NCAPG2: variants seen among roughly 807,000 people sequenced by gnomAD.
NCAPG2 encodes non-SMC condensin II complex subunit G2.
Under a neutral mutation model 141.1 loss-of-function variants are expected in NCAPG2, and 53 were observed. The ratio of observed to expected loss-of-function variants is 0.38; its 90% CI spans 0.30 to 0.47. The LOEUF is 0.47. NCAPG2 is among the 20% of genes least tolerant of loss of function. NCAPG2 has a pLI of 0.99. For missense variants in NCAPG2, 1,087 were observed against 1,389.0 expected (o/e 0.78, Z 3.46); for synonymous variants, 499 against 490.7 (o/e 1.02, Z -0.22).
At chr7:158,662,102 C>A in intron 16 of NCAPG2, 92 bp downstream of exon 16, 2 of 1,214,244 alleles carry the variant, frequency 1.6e-6, no homozygotes, top group South Asian at 1.7e-5. Flanking sequence ...GAACACAGAT[C>A]CAGGGAGGTA....
intron 3 of NCAPG2, 32 bp downstream of exon 3, chr7:158,693,277 A>C: frequency 6.3e-7 from 1 of 1,578,040 alleles, no homozygotes; most frequent in Non-Finnish European, 8.6e-7. Context: ...AAAAGAGAAA[A>C]ACGTTTCTTA....
At chr7:158,674,217 G>A (rs1200564835) in intron 12 of NCAPG2, among the ~76,000 whole-genome samples, 3 of 151,856 alleles carry the variant, frequency 2.0e-5, no homozygotes, top group Non-Finnish European at 4.4e-5. Flanking sequence ...ATGGAGATGC[G>A]AACATGCTTA....
At chr7:158,696,012 A>G (rs919118415) in intron 2 of NCAPG2, 2 of 152,270 alleles carry the variant, frequency 1.3e-5, no homozygotes, top group African/African-American at 2.4e-5. Flanking sequence ...AGAGGGAGGT[A>G]TCCTCTTGTG....
intron 12 of NCAPG2, 46 bp downstream of exon 12, chr7:158,675,431 A>G: frequency 1.4e-6 from 2 of 1,451,464 alleles, no homozygotes; most frequent in Non-Finnish European, 9.2e-7. Flanking sequence ...TTTTCTAATT[A>G]TTCTACAACA....
chr7:158,637,175 C>T (rs1227014703), intron 27 of NCAPG2, among the ~76,000 whole-genome samples: 2 of 152,158 alleles, frequency 1.3e-5, no homozygotes, highest in African/African-American at 2.4e-5. Context: ...TCTCGATCTC[C>T]TGACCTCGTG....
intron 13 of NCAPG2, chr7:158,668,359 C>CGCCTTACCCACTACTGGG (rs1833421497): frequency 1.0e-6 from 1 of 974,290 alleles, no homozygotes; most frequent in Non-Finnish European, 1.2e-6. Context: ...TCCCTCCGCC[C>CGCCTTACCCACTACTGGG]TCCTTACCCA....
chr7:158,678,440 C>G (rs941182775), intron 11 of NCAPG2, among the ~76,000 whole-genome samples: 13 of 152,192 alleles, frequency 8.5e-5, no homozygotes, highest in Admixed American at 8.5e-4. Context: ...AAAAAATGAA[C>G]AAATTAACAT....
chr7:158,690,443 G>T, intron 5 of NCAPG2, 125 bp downstream of exon 5: 1 of 877,162 alleles, frequency 1.1e-6, no homozygotes, highest in Non-Finnish European at 1.7e-6. Context: ...TACTTGAGAG[G>T]CTGAGGCAGG....
chr7:158,685,013 C>A (rs2129468194), intron 8 of NCAPG2, among the ~76,000 whole-genome samples: 1 of 152,248 alleles, frequency 6.6e-6, no homozygotes, highest in Non-Finnish European at 1.5e-5. Flanking sequence ...GCCTGCTCTC[C>A]AAAGAGGAAT....
At chr7:158,657,380 A>G (rs1211842119) in intron 17 of NCAPG2, among the ~76,000 whole-genome samples, 1 of 152,264 alleles carries the variant, frequency 6.6e-6, no homozygotes, top group Non-Finnish European at 1.5e-5. Context: ...CATGTGACCA[A>G]CGGTGACCTT....
chr7:158,701,978 T>A, intron 1 of NCAPG2, 40 bp from the exon 2 acceptor site: 1 of 1,220,622 alleles, frequency 8.2e-7, no homozygotes, highest in Non-Finnish European at 1.2e-6. Context: ...CTTGCAAATA[T>A]ATCTTTTCCT....
intron 16 of NCAPG2, among the ~76,000 whole-genome samples, chr7:158,661,434 A>G (rs1446714094): frequency 6.6e-6 from 1 of 152,154 alleles, no homozygotes; most frequent in Admixed American, 6.5e-5. Context: ...CTGCATGCAA[A>G]TAGAAATCAC....
intron 2 of NCAPG2, chr7:158,696,411 T>A (rs1587306430): frequency 6.6e-6 from 1 of 152,190 alleles, no homozygotes; most frequent in Non-Finnish European, 1.5e-5. Flanking sequence ...CTGCAGAGGG[T>A]TATTTAACAG....
chr7:158,675,425 C>A, intron 12 of NCAPG2, 52 bp downstream of exon 12: 1 of 1,419,490 alleles, frequency 7.0e-7, no homozygotes, highest in Non-Finnish European at 9.4e-7. Flanking sequence ...TCCTGTTTTT[C>A]TAATTATTCT....
intron 27 of NCAPG2, among the ~76,000 whole-genome samples, chr7:158,635,556 G>A (rs552644907): frequency 5.9e-4 from 89 of 152,046 alleles, no homozygotes; most frequent in Admixed American, 1.8e-3. Flanking sequence ...TATTACTATC[G>A]ATACAATTTA....
At chr7:158,675,220 A>G in intron 12 of NCAPG2, among the ~76,000 whole-genome samples, 1 of 152,218 alleles carries the variant, frequency 6.6e-6, no homozygotes, top group East Asian at 1.9e-4. Flanking sequence ...ACACAAAGAG[A>G]CAAAAGAGAA....
Position 158,644,638 on chromosome 7 carries a change from T to C in NCAPG2, c.3281-250A>G, listed in dbSNP as rs564356943. Among the ~76,000 whole-genome samples, 6 of 152,332 alleles carry C rather than the reference T, an allele frequency of 3.9e-5. No homozygotes were observed. In the South Asian group the frequency reaches 1.2e-3, roughly 32 times the overall value. ...CATGAAGCCATGAGAGGAAGGATTATGTCCATGCCAGCAAACCAATCCTGT... is the reference window on the plus strand; with the variant it reads ...CATGAAGCCATGAGAGGAAGGATTACGTCCATGCCAGCAAACCAATCCTGT... On this transcript the variant is annotated intron_variant, in intron 26 of 27. Transcript: ENST00000356309.
rs375838469 is a variant in NCAPG2 at position 158,652,445 on chromosome 7, T to C, written c.2782A>G (p.Ile928Val). Reference sequence around the variant, plus strand: ...GAACTTCCAGTTATCTCTTTCAGAATGTCAAGAAGTAATGAAACATAAAAA... The same window carrying C: ...GAACTTCCAGTTATCTCTTTCAGAACGTCAAGAAGTAATGAAACATAAAAA... ...GFFYVSLLLD[I>V]LKEITGSSLI... is the part of the protein sequence containing the mutation. The change falls in exon 23 of 28, where the codon ATT becomes GTT. Residue 928 changes from isoleucine (I) to valine (V), a missense_variant. Physicochemically the swap from Ile to Val is conservative, Grantham distance 29 (BLOSUM62 3). Transcript: ENST00000356309. 1 of 1,607,204 alleles carries C rather than the reference T, an allele frequency of 6.2e-7. No individual in the cohort carries two copies. The highest frequency in any genetic ancestry group is 8.5e-7 in the Non-Finnish European group (1 of 1,178,096).
intron 27 of NCAPG2, among the ~76,000 whole-genome samples, chr7:158,636,402 C>CTTT (rs59810481): frequency 3.7e-5 from 5 of 135,786 alleles, no homozygotes; most frequent in African/African-American, 5.4e-5. Context: ...TTCTTTTTTT[C>CTTT]TTTTTTTTTT....
Sources: gnomAD v4.1 joint callset for allele counts (sites outside exome capture counted in the v4.1 genomes callset) on GRCh38, gnomAD v4.1.1 for gene constraint, MANE v1.5 for transcripts, NCBI Gene and HGNC (gene_info 2026-07-23, HGNC 2026-07-21) for gene names.